MYO1D: variants seen among roughly 807,000 people sequenced by gnomAD.
The protein encoded by MYO1D is myosin ID, also known as unconventional myosin-Id.
Under a neutral mutation model 122.0 loss-of-function variants are expected in MYO1D, and 83 were observed. The observed-to-expected ratio is 0.68, with a 90% confidence interval of 0.57 to 0.82. The LOEUF (loss-of-function observed/expected upper bound fraction) is 0.82, where lower values mean the gene tolerates loss of function less well. MYO1D is among the 40% of genes least tolerant of loss of function. The pLI, the probability that MYO1D is intolerant of heterozygous loss-of-function variation, is 0.00. For missense variants in MYO1D, 1,157 were observed against 1,269.5 expected, an observed-to-expected ratio of 0.91 and a Z score of 1.35; for synonymous variants, 464 against 446.9, an observed-to-expected ratio of 1.04 and a Z score of -0.48.
intron 1 of MYO1D, 57 bp downstream of exon 1, chr17:32,876,721 G>GC: frequency 1.4e-6 from 2 of 1,394,152 alleles, no homozygotes. Context: ...GCCCCGAGGC[G>GC]CCCCCTCTCG....
chr17:32,524,250 A>C (rs1910259207), intron 21 of MYO1D, among the ~76,000 whole-genome samples: 1 of 152,178 alleles, frequency 6.6e-6, no homozygotes, highest in Admixed American at 6.5e-5. Context: ...TCTTTGGTGG[A>C]GCATGCTTCC....
chr17:32,668,430 T>G (rs1033412884), intron 16 of MYO1D, among the ~76,000 whole-genome samples: 1 of 152,202 alleles, frequency 6.6e-6, no homozygotes, highest in African/African-American at 2.4e-5. Flanking sequence ...AATAACACAG[T>G]ATACATTTGC....
Position 32,653,945 on chromosome 17 carries a change from C to T in MYO1D, c.2493G>A (p.Lys831=). ...TGCCTGAGGTCTGAGGTGTATCTGG[C>T]TTCTGAAAGAGAAAGGAAACAAGAC... ...RAWEGNYLAS[K]PDTPQTSGTF... The change falls in exon 19 of 22, where the codon AAG becomes AAA. Residue 831 remains lysine (K), a splice_region_variant and synonymous_variant. Transcript: ENST00000318217. 2 of 1,610,212 alleles carry T rather than the reference C, an allele frequency of 1.2e-6. No homozygotes were observed. Among genetic ancestry groups the T allele is most frequent in the South Asian group, 2.2e-5 (2 of 90,608 alleles).
At chr17:32,667,459 A>G (rs1165367172) in intron 16 of MYO1D, among the ~76,000 whole-genome samples, 1 of 152,232 alleles carries the variant, frequency 6.6e-6, no homozygotes, top group Non-Finnish European at 1.5e-5. Context: ...TCCTGACACA[A>G]AATTCCTTCG....
At chr17:32,802,078 C>A (rs571736388) in intron 1 of MYO1D, among the ~76,000 whole-genome samples, 1 of 152,176 alleles carries the variant, frequency 6.6e-6, no homozygotes, top group African/African-American at 2.4e-5. Flanking sequence ...TTCTAGGAGA[C>A]ACATACCATT....
At position 32,678,366 on chromosome 17, in the gene MYO1D, T is replaced by C. The variant is rs188910713; in HGVS notation, c.2122-19028A>G. Among the ~76,000 whole-genome samples, 839 of 151,182 alleles carry C rather than the reference T, an allele frequency of 5.5e-3. 11 individuals carry two copies. Among genetic ancestry groups the C allele is most frequent in the African/African-American group, 0.019 (775 of 41,138 alleles). ...CTGGTGCGCTGCACCCACTAACTCGTCATCTAGCATTAGGTATATCTCCCG... is the reference window on the plus strand; with the variant it reads ...CTGGTGCGCTGCACCCACTAACTCGCCATCTAGCATTAGGTATATCTCCCG... On this transcript the variant is annotated intron_variant, in intron 16 of 21. Coordinates refer to ENST00000318217, the MANE Select transcript of MYO1D (RefSeq NM_015194.3).
At chr17:32,501,469 A>T (rs1909316312) in intron 21 of MYO1D, among the ~76,000 whole-genome samples, 1 of 152,176 alleles carries the variant, frequency 6.6e-6, no homozygotes, top group Non-Finnish European at 1.5e-5. Context: ...GAGGCCAGGA[A>T]AGATCTGAAT....
intron 20 of MYO1D, among the ~76,000 whole-genome samples, chr17:32,635,951 A>G (rs1013485303): frequency 6.6e-6 from 1 of 152,204 alleles, no homozygotes; most frequent in Admixed American, 6.5e-5. Flanking sequence ...AATAATTTAA[A>G]AAGTATAGAA....
intron 21 of MYO1D, among the ~76,000 whole-genome samples, chr17:32,595,070 C>T (rs187026828): frequency 2.0e-4 from 31 of 152,298 alleles, no homozygotes; most frequent in Non-Finnish European, 3.4e-4. Context: ...CTGTCCCACA[C>T]ATATTACATT....
chr17:32,746,417 A>G (rs2089839063), intron 12 of MYO1D, among the ~76,000 whole-genome samples: 1 of 152,216 alleles, frequency 6.6e-6, no homozygotes, highest in Admixed American at 6.5e-5. Flanking sequence ...AATTCCTAGC[A>G]TTCAAAGACC....
intron 21 of MYO1D, among the ~76,000 whole-genome samples, chr17:32,541,875 CTT>C (rs1432512903): frequency 2.6e-5 from 4 of 152,166 alleles, no homozygotes; most frequent in South Asian, 4.1e-4. Flanking sequence ...ATACTTAACT[CTT>C]TGCCTTCCCT....
intron 1 of MYO1D, among the ~76,000 whole-genome samples, chr17:32,800,156 C>A (rs1236793994): frequency 6.6e-6 from 1 of 152,038 alleles, no homozygotes; most frequent in Non-Finnish European, 1.5e-5. Context: ...AACAGAATTA[C>A]CTTATGATCC....
chr17:32,692,040 A>G (rs889226372), intron 16 of MYO1D, among the ~76,000 whole-genome samples: 1 of 151,870 alleles, frequency 6.6e-6, no homozygotes, highest in African/African-American at 2.4e-5. Flanking sequence ...CTTAGGAGGG[A>G]CCTTTTGTAT....
chr17:32,758,826 C>A (rs2089973172), intron 10 of MYO1D, among the ~76,000 whole-genome samples: 1 of 152,118 alleles, frequency 6.6e-6, no homozygotes, highest in Non-Finnish European at 1.5e-5. Flanking sequence ...TTGGAGTTAG[C>A]CTTCTGCTCC....
At chr17:32,558,807 CG>C (rs1446836207) in intron 21 of MYO1D, among the ~76,000 whole-genome samples, 2 of 152,174 alleles carry the variant, frequency 1.3e-5, no homozygotes, top group African/African-American at 4.8e-5. Context: ...GACACTGAGG[CG>C]GGGAGTAGAT....
intron 21 of MYO1D, among the ~76,000 whole-genome samples, chr17:32,556,814 T>C (rs1405603558): frequency 6.6e-6 from 1 of 152,088 alleles, no homozygotes; most frequent in African/African-American, 2.4e-5. Context: ...GAAGACAAAA[T>C]AGGAATATTA....
rs184335900 is a variant in MYO1D, at chr17:32,670,824, C to T, written c.2122-11486G>A. Among the ~76,000 whole-genome samples, 305 of 152,356 alleles carry T rather than the reference C, an allele frequency of 2.0e-3. 1 individual carries two copies. Among genetic ancestry groups the T allele is most frequent in the Non-Finnish European group, 3.2e-3 (217 of 68,036 alleles). On this transcript the variant is annotated intron_variant, in intron 16 of 21. Transcript: ENST00000318217. The stretch of plus-strand genomic sequence containing the variant: ...AGCGATGATCTGACCCGCCTGTCCC[C>T]TCTCTACTGAGAGCTGTTTTGTTGC...
chr17:32,823,894 T>C (rs2090697467), intron 1 of MYO1D, among the ~76,000 whole-genome samples: 1 of 151,736 alleles, frequency 6.6e-6, no homozygotes, highest in Non-Finnish European at 1.5e-5. Context: ...GGTGAAACCC[T>C]GTCTCTACTA....
At chr17:32,730,011 A>G (rs1379169122) in intron 14 of MYO1D, among the ~76,000 whole-genome samples, 1 of 152,104 alleles carries the variant, frequency 6.6e-6, no homozygotes, top group East Asian at 1.9e-4. Flanking sequence ...CAATGTAATT[A>G]CTAATATATT....
Sources: gnomAD v4.1 joint callset for allele counts (sites outside exome capture counted in the v4.1 genomes callset) on GRCh38, gnomAD v4.1.1 for gene constraint, MANE v1.5 for transcripts, NCBI Gene and HGNC (gene_info 2026-07-23, HGNC 2026-07-21) for gene names.